The following GCNT1 variants were observed in gnomAD, a reference collection of about 807,000 sequenced individuals.
GCNT1 encodes the protein glucosaminyl (N-acetyl) transferase 1.
In GCNT1, 16 loss-of-function variants were observed where a neutral mutation model predicts 26.2. That is an observed-to-expected ratio of 0.61 (90% CI 0.41 to 0.93). The LOEUF (loss-of-function observed/expected upper bound fraction) is 0.93, where lower values mean the gene tolerates loss of function less well. Ranked by LOEUF, GCNT1 falls within the 40% of genes least tolerant of loss-of-function variation. The pLI is 0.00. For synonymous variants in GCNT1, 183 were observed against 190.8 expected (o/e 0.96, Z 0.34); for missense variants, 477 against 526.7 (o/e 0.91, Z 0.92).
Position 76,503,715 on chromosome 9 carries a change from AC to A in GCNT1, c.*50del, listed in dbSNP as rs111772588. The A allele has an allele frequency of 0.23, 324,361 of 1,429,380 alleles. 41,710 individuals carry two copies. The highest frequency in any genetic ancestry group is 0.51 in the African/African-American group (36,512 of 71,084). The allele number at this position is 1,429,380 out of a possible 1,614,324, so 88.5% of individuals were successfully genotyped here. ...ACAAGAAGAAGGATACACAAAACGTACCCTTATCTGTTTCCCCTTCCTTGTC... is the reference window on the plus strand; with the variant it reads ...ACAAGAAGAAGGATACACAAAACGTACCTTATCTGTTTCCCCTTCCTTGTC... On this transcript the variant is annotated 3_prime_UTR_variant, in exon 4 of 4. Transcript: ENST00000376730.
intron 2 of GCNT1, among the ~76,000 whole-genome samples, chr9:76,478,395 C>T (rs543707496): frequency 2.0e-5 from 3 of 152,236 alleles, no homozygotes; most frequent in East Asian, 3.9e-4. Context: ...GGCTTCATTC[C>T]TGAGGTCAGG....
At chr9:76,407,729 T>C in the GCNT1 span, among the ~76,000 whole-genome samples, 1 of 152,220 alleles carries the variant, frequency 6.6e-6, no homozygotes, top group East Asian at 1.9e-4. Context: ...TTAACAATAT[T>C]GAATTGCCAA....
chr9:76,413,562 T>G, the GCNT1 span, among the ~76,000 whole-genome samples: 1 of 152,166 alleles, frequency 6.6e-6, no homozygotes, highest in South Asian at 2.1e-4. Context: ...GGTAAAGTGT[T>G]TTTTCCTGTG....
intron 2 of GCNT1, among the ~76,000 whole-genome samples, chr9:76,490,402 T>C (rs1587449774): frequency 6.6e-6 from 1 of 152,252 alleles, no homozygotes; most frequent in East Asian, 1.9e-4. Context: ...TAGATAAACT[T>C]GATATTCTGG....
intron 2 of GCNT1, among the ~76,000 whole-genome samples, chr9:76,498,560 G>C (rs1183730932): frequency 6.6e-6 from 1 of 152,064 alleles, no homozygotes; most frequent in East Asian, 1.9e-4. Flanking sequence ...ATCACCTGAG[G>C]TCAGGAGTTC....
chr9:76,499,959 A>G (rs564407062), intron 2 of GCNT1, among the ~76,000 whole-genome samples: 14 of 152,270 alleles, frequency 9.2e-5, no homozygotes, highest in Admixed American at 9.2e-4. Flanking sequence ...ATTTGGTTAG[A>G]TACCATACTC....
upstream of GCNT1, among the ~76,000 whole-genome samples, chr9:76,458,357 TA>T (rs1474442250): frequency 6.6e-6 from 1 of 151,812 alleles, no homozygotes; most frequent in East Asian, 1.9e-4. Context: ...TAATTTTTTG[TA>T]TATTTAGTAG....
chr9:76,399,987 A>G, the GCNT1 span, among the ~76,000 whole-genome samples: 8 of 152,354 alleles, frequency 5.3e-5, no homozygotes, highest in East Asian at 9.6e-4. Flanking sequence ...AAAAGGCTAC[A>G]TAACACATGA....
the GCNT1 span, chr9:76,399,590 G>A: frequency 8.5e-7 from 1 of 1,171,190 alleles, no homozygotes; most frequent in Admixed American, 1.7e-5. Context: ...GTCTTAAGCT[G>A]TTCTTGCATA....
At chr9:76,417,570 G>A (rs971819223), upstream of GCNT1, among the ~76,000 whole-genome samples, 1 of 152,238 alleles carries the variant, frequency 6.6e-6, no homozygotes, top group Non-Finnish European at 1.5e-5. Flanking sequence ...GAAAGGTACT[G>A]TTGGCTTTTC....
At chr9:76,493,136 T>G (rs1472818549) in intron 2 of GCNT1, among the ~76,000 whole-genome samples, 1 of 152,172 alleles carries the variant, frequency 6.6e-6, no homozygotes, top group Non-Finnish European at 1.5e-5. Flanking sequence ...ATTGAATAAT[T>G]CATGGGCTTT....
At chr9:76,398,910 C>G in the GCNT1 span, 1 of 1,545,838 alleles carries the variant, frequency 6.5e-7, no homozygotes, top group Non-Finnish European at 8.8e-7. Flanking sequence ...ATTGAAAACC[C>G]TGCTGATGTC....
At chr9:76,395,368 C>T in the GCNT1 span, among the ~76,000 whole-genome samples, 1 of 151,706 alleles carries the variant, frequency 6.6e-6, no homozygotes, top group Non-Finnish European at 1.5e-5. Context: ...TCTGTGCAGA[C>T]CGTGTAGTCT....
intron 2 of GCNT1, among the ~76,000 whole-genome samples, chr9:76,461,978 G>T (rs553643050): frequency 6.6e-6 from 1 of 152,244 alleles, no homozygotes; most frequent in South Asian, 2.1e-4. Context: ...TACTGTACAC[G>T]GTGATTATAT....
At chr9:76,500,153 T>C (rs1308833514) in intron 2 of GCNT1, among the ~76,000 whole-genome samples, 2 of 152,146 alleles carry the variant, frequency 1.3e-5, no homozygotes, top group Non-Finnish European at 2.9e-5. Flanking sequence ...TTTTTTTTGT[T>C]GAAACTGGAT....
intron 2 of GCNT1, among the ~76,000 whole-genome samples, chr9:76,482,182 C>A (rs1035091859): frequency 1.3e-5 from 2 of 152,078 alleles, no homozygotes; most frequent in Non-Finnish European, 2.9e-5. Flanking sequence ...CCACCCATGG[C>A]GAATTGCCTC....
intron 2 of GCNT1, among the ~76,000 whole-genome samples, chr9:76,460,423 C>G (rs1400986041): frequency 2.6e-5 from 4 of 152,220 alleles, no homozygotes; most frequent in African/African-American, 7.2e-5. Context: ...TGGAAGTTGT[C>G]TCTTCGTCTG....
At chr9:76,459,438 G>T (rs921977680) in intron 1 of GCNT1, 133 bp downstream of exon 1, 42 of 152,242 alleles carry the variant, frequency 2.8e-4, no homozygotes, top group African/African-American at 9.9e-4. Context: ...CCCCGCGGAG[G>T]AGGAAGCAGA....
the GCNT1 span, chr9:76,394,545 C>T: frequency 5.7e-6 from 1 of 175,720 alleles, no homozygotes; most frequent in African/African-American, 2.4e-5. Context: ...CTTCCGTAGC[C>T]CCGCCCCATC....
Sources: allele counts gnomAD v4.1 joint callset (sites outside exome capture counted in the v4.1 genomes callset), GRCh38; gene constraint gnomAD v4.1.1; transcripts MANE v1.5; gene names NCBI Gene and HGNC (gene_info 2026-07-23, HGNC 2026-07-21).